The following RNF24 variants were observed in gnomAD, a reference collection of about 807,000 sequenced individuals.
The protein encoded by RNF24 is ring finger protein 24.
In RNF24, 14 loss-of-function variants were observed where a neutral mutation model predicts 20.0. The observed-to-expected ratio is 0.70, with a 90% CI of 0.46 to 1.10. The LOEUF is 1.10. RNF24 is among the 50% of genes least tolerant of loss of function. The pLI, the probability that RNF24 is intolerant of heterozygous loss-of-function variation, is 0.00. For missense variants in RNF24, 124 were observed against 177.6 expected, an observed-to-expected ratio of 0.70 and a Z score of 1.71; for synonymous variants, 45 against 61.1, an observed-to-expected ratio of 0.74 and a Z score of 1.23.
chr20:3,944,782 A>G (rs551194785), intron 4 of RNF24, among the ~76,000 whole-genome samples: 1 of 152,344 alleles, frequency 6.6e-6, no homozygotes, highest in East Asian at 1.9e-4. Flanking sequence ...ACCTTCTTCA[A>G]TCCCTACCCC....
intron 1 of RNF24, among the ~76,000 whole-genome samples, chr20:3,989,738 G>T (rs1171389075): frequency 1.3e-5 from 2 of 152,074 alleles, no homozygotes; most frequent in Admixed American, 1.3e-4. Flanking sequence ...TTTTACTGAT[G>T]GTGTGAGAGT....
chr20:3,940,446 G>A (rs897640358), intron 4 of RNF24, among the ~76,000 whole-genome samples: 1 of 150,444 alleles, frequency 6.6e-6, no homozygotes, highest in Non-Finnish European at 1.5e-5. Context: ...AGGACTTGTG[G>A]AACAACAACA....
At chr20:3,967,894 G>A (rs761437944) in intron 1 of RNF24, among the ~76,000 whole-genome samples, 131 of 149,524 alleles carry the variant, frequency 8.8e-4, no homozygotes, top group Non-Finnish European at 1.6e-3. Flanking sequence ...TCGGGAGGCT[G>A]AGGCAGGAGA....
At chr20:3,992,826 G>A (rs2147050255) in intron 1 of RNF24, among the ~76,000 whole-genome samples, 1 of 152,230 alleles carries the variant, frequency 6.6e-6, no homozygotes, top group South Asian at 2.1e-4. Context: ...GCTTAAATAA[G>A]TCAAAATAAT....
chr20:3,940,377 TG>T (rs1313891526), intron 4 of RNF24, among the ~76,000 whole-genome samples: 78 of 148,204 alleles, frequency 5.3e-4, no homozygotes, highest in Non-Finnish European at 1.3e-4. Context: ...GACAGAACAC[TG>T]GAAATTACTC....
At chr20:3,944,834 G>C (rs1463706602) in intron 4 of RNF24, among the ~76,000 whole-genome samples, 4 of 152,138 alleles carry the variant, frequency 2.6e-5, no homozygotes, top group African/African-American at 9.7e-5. Context: ...TGGTAAGAAA[G>C]AAATATTGGG....
chr20:3,986,266 C>A (rs1284326768), intron 1 of RNF24, among the ~76,000 whole-genome samples: 1 of 151,930 alleles, frequency 6.6e-6, no homozygotes, highest in Non-Finnish European at 1.5e-5. Context: ...TCCTTCCTCC[C>A]TTCCTCCCTC....
chr20:3,983,718 A>G (rs1055948006), intron 1 of RNF24, among the ~76,000 whole-genome samples: 2 of 152,100 alleles, frequency 1.3e-5, no homozygotes, highest in Non-Finnish European at 2.9e-5. Flanking sequence ...AGGCGGGCAG[A>G]TCACCTGAGG....
At chr20:3,974,742 T>C (rs1978713422) in intron 1 of RNF24, among the ~76,000 whole-genome samples, 1 of 152,154 alleles carries the variant, frequency 6.6e-6, no homozygotes, top group South Asian at 2.1e-4. Flanking sequence ...GACAAAATGA[T>C]GATTAGAGGA....
At chr20:3,981,504 C>CT (rs921422300) in intron 1 of RNF24, among the ~76,000 whole-genome samples, 3 of 150,608 alleles carry the variant, frequency 2.0e-5, no homozygotes. Context: ...TTTGGAGTCA[C>CT]TTTTTTTCTT....
chr20:3,957,350 A>G (rs1162970250), intron 2 of RNF24, among the ~76,000 whole-genome samples: 1 of 151,632 alleles, frequency 6.6e-6, no homozygotes, highest in Non-Finnish European at 1.5e-5. Flanking sequence ...AGTCTCAGCT[A>G]CTTGAGAGGC....
chr20:3,963,785 A>G (rs2091228299), intron 2 of RNF24, 90 bp downstream of exon 2: 1 of 1,138,828 alleles, frequency 8.8e-7, no homozygotes, highest in Non-Finnish European at 1.2e-6. Flanking sequence ...GCCAATTATC[A>G]TACTTCATTT....
rs114897468 is a variant in RNF24 at position 3,937,859 on chromosome 20, T to C, written c.229-2786A>G. ...CGCATTTTGTTTACCCATTTATCTA[T>C]TGATGGCCACCTGGGTTGTTTCTAC... On this transcript the variant is annotated intron_variant, in intron 4 of 5. Coordinates refer to ENST00000358395, the MANE Select transcript of RNF24 (RefSeq NM_001134337.3). 1.7e-3 allele frequency among the ~76,000 whole-genome samples: 259 copies of C among 152,342 alleles called. 1 individual carries two copies. The highest frequency in any genetic ancestry group is 5.8e-3 in the African/African-American group (240 of 41,572).
chr20:3,978,422 GA>G (rs1465594691), intron 1 of RNF24, among the ~76,000 whole-genome samples: 36 of 152,060 alleles, frequency 2.4e-4, no homozygotes, highest in African/African-American at 8.2e-4. Flanking sequence ...TCCCAACAGA[GA>G]AAAATATTTG....
intron 1 of RNF24, among the ~76,000 whole-genome samples, chr20:3,977,017 A>G (rs1386674660): frequency 6.6e-6 from 1 of 152,196 alleles, no homozygotes; most frequent in Non-Finnish European, 1.5e-5. Flanking sequence ...TAAAAAATAT[A>G]CAATGGAGCA....
Position 3,927,393 on chromosome 20 carries a change from T to C in RNF24, c.*6670A>G, listed in dbSNP as rs1484818734. 3 of 152,190 alleles carry C rather than the reference T, an allele frequency of 2.0e-5. No homozygotes were observed. Among genetic ancestry groups the C allele is most frequent in the Non-Finnish European group, 4.4e-5 (3 of 68,024 alleles). The allele number at this position is 152,190 out of a possible 1,614,324, so 9.4% of individuals were successfully genotyped here. ...TTGAGGAGTGATTAGCAAAATGCAT[T>C]AAAATTTTAAAATAGCAATTAAATA... is the stretch of plus-strand genomic sequence containing the variant. On this transcript the variant is annotated 3_prime_UTR_variant, in exon 6 of 6. Coordinates refer to ENST00000358395, the MANE Select transcript of RNF24 (RefSeq NM_001134337.3).
intron 2 of RNF24, among the ~76,000 whole-genome samples, chr20:3,959,007 A>G (rs1406020375): frequency 2.6e-5 from 4 of 152,068 alleles, no homozygotes; most frequent in South Asian, 2.1e-4. Flanking sequence ...TTAAATATCA[A>G]TGTTTCCTTA....
intron 4 of RNF24, among the ~76,000 whole-genome samples, chr20:3,939,828 C>CT (rs1414624222): frequency 6.6e-6 from 1 of 152,150 alleles, no homozygotes; most frequent in East Asian, 1.9e-4. Context: ...AACCAATGAA[C>CT]ATGGGATGTC....
intron 1 of RNF24, among the ~76,000 whole-genome samples, chr20:3,989,137 A>T (rs549292913): frequency 1.3e-5 from 2 of 152,310 alleles, no homozygotes; most frequent in African/African-American, 4.8e-5. Flanking sequence ...GAGTGGTAAA[A>T]AGGCTAATTC....
Sources: gnomAD v4.1 joint callset for allele counts (sites outside exome capture counted in the v4.1 genomes callset) on GRCh38, gnomAD v4.1.1 for gene constraint, MANE v1.5 for transcripts, NCBI Gene and HGNC (gene_info 2026-07-23, HGNC 2026-07-21) for gene names.